Variants in SELP observed in about 807,000 individuals in gnomAD.
SELP encodes the protein P-selectin.
SELP carries 92 observed loss-of-function variants against 104.1 expected under a neutral mutation model. The ratio of observed to expected loss-of-function variants is 0.88; its 90% CI spans 0.75 to 1.05. The LOEUF is 1.05. Ranked by LOEUF, SELP falls within the 50% of genes least tolerant of loss-of-function variation. The pLI is 0.00. For synonymous variants in SELP, 397 were observed against 364.5 expected (o/e 1.09, Z -1.01); for missense variants, 1,022 against 1,017.3 (o/e 1.00, Z -0.06).
Position 169,617,183 on chromosome 1 carries a change from G to C in SELP, c.326C>G (p.Ala109Gly). 1 of 1,614,098 alleles carries C rather than the reference G, an allele frequency of 6.2e-7. No individual in the cohort carries two copies. The highest frequency in any genetic ancestry group is 8.5e-7 in the Non-Finnish European group (1 of 1,180,026). Reference sequence around the variant, plus strand: ...CCAGTTCTCAGCCTCGTTGGTGAGAGCCTTTTTGGTTCCCACCCATGTCCA... The same window carrying C: ...CCAGTTCTCAGCCTCGTTGGTGAGACCCTTTTTGGTTCCCACCCATGTCCA... ...KTWTWVGTKKALTNEAENWAD... is the reference protein window; with the variant it reads ...KTWTWVGTKKGLTNEAENWAD... Residue 109 changes from alanine (A) to glycine (G), a missense_variant, in exon 3 of 17, where the codon GCT becomes GGT. Coordinates refer to ENST00000263686, the MANE Select transcript of SELP (RefSeq NM_003005.4).
At position 169,609,500 on chromosome 1, in the gene SELP, G is replaced by A. The variant is rs199535378; in HGVS notation, c.1333+4C>T. On this transcript the variant is annotated splice_donor_region_variant and intron_variant, in intron 8 of 16. Coordinates refer to ENST00000263686, the MANE Select transcript of SELP (RefSeq NM_003005.4). ...ACAGAAAAACATTACCACTGTTACA[G>A]TACCTTGACAGACTGGGGCTGGTGC... The A allele has an allele frequency of 7.0e-5, 112 of 1,611,244 alleles. No homozygotes were observed. The highest frequency in any genetic ancestry group is 1.6e-4 in the Middle Eastern group (1 of 6,062).
chr1:169,611,780 A>G (rs1662549765), intron 6 of SELP, 103 bp from the exon 7 acceptor site: 1 of 1,145,742 alleles, frequency 8.7e-7, no homozygotes, highest in South Asian at 1.5e-5. Context: ...TGGAGCTAGC[A>G]AGATGTAAAG....
At chr1:169,591,172 T>C (rs966659916) in intron 15 of SELP, among the ~76,000 whole-genome samples, 5 of 152,322 alleles carry the variant, frequency 3.3e-5, no homozygotes, top group African/African-American at 7.2e-5. Context: ...GATGACCTCA[T>C]TGCATCTACT....
At chr1:169,597,648 A>G (rs890210867) in intron 10 of SELP, among the ~76,000 whole-genome samples, 2 of 151,946 alleles carry the variant, frequency 1.3e-5, no homozygotes, top group African/African-American at 4.8e-5. Context: ...GCCTCAAACT[A>G]TTTCTTCCAT....
At chr1:169,618,995 C>G (rs1186741256) in intron 2 of SELP, 134 bp downstream of exon 2, 3 of 644,220 alleles carry the variant, frequency 4.7e-6, no homozygotes, top group South Asian at 2.0e-5. Context: ...GTACATTTGT[C>G]TTCCAGCAAT....
rs755848676 is a variant in SELP, at chr1:169,609,676, C to T, written c.1161G>A (p.Glu387=). The T allele has an allele frequency of 5.6e-6, 9 of 1,611,382 alleles. No homozygotes were observed. The highest frequency in any genetic ancestry group is 7.6e-6 in the Non-Finnish European group (9 of 1,178,692). ...PLPTCEAISC[E]PLESPVHGSM... ...TTCCGTGGACAGGACTCTCCAGCGG[C>T]TCACACGAAATAGCTAAGTGGAAAA... The change falls in exon 8 of 17, where the codon GAG becomes GAA. Residue 387 remains glutamate, a synonymous_variant. Coordinates refer to ENST00000263686, the MANE Select transcript of SELP (RefSeq NM_003005.4).
chr1:169,623,314 A>G (rs1383394537), intron 1 of SELP, among the ~76,000 whole-genome samples: 1 of 152,210 alleles, frequency 6.6e-6, no homozygotes. Context: ...CCAGCTCACA[A>G]GAGTGTGTAG....
Position 169,609,520 on chromosome 1 carries a change from T to A in SELP, c.1317A>T (p.Pro439=). 1 of 1,613,432 alleles carries A rather than the reference T, an allele frequency of 6.2e-7. No individual in the cohort carries two copies. The highest frequency in any genetic ancestry group is 1.1e-5 in the South Asian group (1 of 91,006). The part of the protein sequence containing the change: ...RCDNLGQWTA[P]APVCQALQCQ... ...TTACAGTACCTTGACAGACTGGGGCTGGTGCTGTCCACTGTCCCAAGTTAT... is the reference window on the plus strand; with the variant it reads ...TTACAGTACCTTGACAGACTGGGGCAGGTGCTGTCCACTGTCCCAAGTTAT... Residue 439 remains proline, a synonymous_variant, in exon 8 of 17, where the codon CCA becomes CCT. Coordinates refer to ENST00000263686, the MANE Select transcript of SELP (RefSeq NM_003005.4).
At chr1:169,621,428 T>TTGTGTG (rs57079522) in intron 1 of SELP, among the ~76,000 whole-genome samples, 10 of 130,790 alleles carry the variant, frequency 7.6e-5, no homozygotes, top group South Asian at 5.4e-4. Flanking sequence ...CAGTGTGAGG[T>TTGTGTG]TGTGTGTGTG....
chr1:169,613,182 A>T (rs1662636572), intron 4 of SELP, 68 bp from the exon 5 acceptor site: 1 of 1,407,090 alleles, frequency 7.1e-7, no homozygotes, highest in African/African-American at 1.4e-5. Flanking sequence ...GTTTGCTGAA[A>T]GCTGTAACTA....
At chr1:169,604,038 C>A (rs973325077) in intron 9 of SELP, among the ~76,000 whole-genome samples, 4 of 152,144 alleles carry the variant, frequency 2.6e-5, no homozygotes, top group Admixed American at 2.6e-4. Context: ...TGACTTCCAC[C>A]ATGGTTGAAC....
rs769917472 is a variant in SELP at position 169,611,564 on chromosome 1, T to C, written c.1075A>G (p.Arg359Gly). The change falls in exon 7 of 17, where the codon AGA becomes GGA. Residue 359 changes from arginine to glycine, a missense_variant. Physicochemically the swap from Arg to Gly is moderately radical, Grantham distance 125. Coordinates refer to ENST00000263686, the MANE Select transcript of SELP (RefSeq NM_003005.4). ...SCKFECQPGY[R>G]VRGLDMLRCI... ...CGGAGCATGTCCAAGCCCCTCACTC[T>C]GTAGCCGGGCTGGCACTCAAATTTA... is the stretch of plus-strand genomic sequence containing the variant. 5 of 1,614,136 alleles carry C rather than the reference T, an allele frequency of 3.1e-6. No individual in the cohort carries two copies. The East Asian group carries it at 8.9e-5, about 29-fold the overall frequency.
intron 14 of SELP, among the ~76,000 whole-genome samples, chr1:169,593,319 G>A (rs1661435087): frequency 6.6e-6 from 1 of 152,130 alleles, no homozygotes; most frequent in Admixed American, 6.6e-5. Context: ...CTGCAAAGTA[G>A]CCTCATTTGA....
At chr1:169,591,501 A>AG in intron 14 of SELP, 45 bp from the exon 15 acceptor site, 2 of 1,437,734 alleles carry the variant, frequency 1.4e-6, no homozygotes, top group Non-Finnish European at 1.9e-6. Context: ...AAAAAAAAAA[A>AG]CAAGATGAAA....
intron 9 of SELP, among the ~76,000 whole-genome samples, chr1:169,604,814 T>TG (rs1662102282): frequency 6.6e-6 from 1 of 152,160 alleles, no homozygotes; most frequent in African/African-American, 2.4e-5. Context: ...CCAGCTCTTC[T>TG]GTGGCTTTGC....
intron 14 of SELP, among the ~76,000 whole-genome samples, chr1:169,593,373 C>T (rs1557944046): frequency 6.6e-6 from 1 of 152,174 alleles, no homozygotes; most frequent in African/African-American, 2.4e-5. Context: ...TCCACACCCA[C>T]TACCAAGTCT....
intron 16 of SELP, 121 bp downstream of exon 16, chr1:169,590,026 G>GAAAATTTAATACATACTT: frequency 1.5e-6 from 1 of 678,032 alleles, no homozygotes; most frequent in Non-Finnish European, 2.5e-6. Context: ...CTTCATGCCT[G>GAAAATTTAATACATACTT]AAAATTTAAT....
Position 169,605,674 on chromosome 1 carries a change from G to C in SELP, c.1519+1275C>G, listed in dbSNP as rs947705926. ...CCCATTCAACTTTATTGTTAAAATTGTATATACATCATAAAAATATTAATT... is the reference window on the plus strand; with the variant it reads ...CCCATTCAACTTTATTGTTAAAATTCTATATACATCATAAAAATATTAATT... On this transcript the variant is annotated intron_variant, in intron 9 of 16. Transcript: ENST00000263686. Among the ~76,000 whole-genome samples, 29 of 152,102 alleles carry C rather than the reference G, an allele frequency of 1.9e-4. 1 individual carries two copies. Among genetic ancestry groups the C allele is most frequent in the African/African-American group, 6.5e-4 (27 of 41,404 alleles).
At chr1:169,613,149 T>C (rs376545208) in intron 4 of SELP, 35 bp from the exon 5 acceptor site, 9 of 1,540,794 alleles carry the variant, frequency 5.8e-6, no homozygotes, top group African/African-American at 2.8e-5. Context: ...TTATTTTCCA[T>C]GTAGAATTAA....
Sources: gnomAD v4.1 joint callset for allele counts (sites outside exome capture counted in the v4.1 genomes callset) on GRCh38, gnomAD v4.1.1 for gene constraint, MANE v1.5 for transcripts, NCBI Gene and HGNC (gene_info 2026-07-23, HGNC 2026-07-21) for gene names.